The following CNTLN variants were observed in gnomAD, a reference collection of about 807,000 sequenced individuals.
CNTLN encodes the protein centlein.
A neutral mutation model predicts 180.0 loss-of-function variants in CNTLN; 212 were observed. The ratio of observed to expected loss-of-function variants is 1.18; its 90% CI spans 1.05 to 1.32. The LOEUF (loss-of-function observed/expected upper bound fraction) is 1.32, where lower values mean the gene tolerates loss of function less well. Among genes scored for constraint, CNTLN ranks in the 40% most tolerant of loss-of-function variants. The pLI is 0.00. For missense variants in CNTLN, 2,095 were observed against 1,610.9 expected, an observed-to-expected ratio of 1.30 and a Z score of -5.14; for synonymous variants, 722 against 563.1, an observed-to-expected ratio of 1.28 and a Z score of -3.99.
chr9:17,336,323 T>C (rs1821034003), intron 10 of CNTLN, among the ~76,000 whole-genome samples: 1 of 152,196 alleles, frequency 6.6e-6, no homozygotes, highest in Admixed American at 6.6e-5. Flanking sequence ...GATGGATGAC[T>C]TCAGCTGGCA....
At chr9:17,521,265 A>AAGAGAGAGAGAGAGAGAGAGAGAG in the CNTLN span, among the ~76,000 whole-genome samples, 102 of 118,598 alleles carry the variant, frequency 8.6e-4, 7 homozygotes, top group African/African-American at 1.9e-3. Flanking sequence ...AAGGGAGAAA[A>AAGAGAGAGAGAGAGAGAGAGAGAG]AGAGAGAGAG....
intron 12 of CNTLN, among the ~76,000 whole-genome samples, chr9:17,352,794 A>C (rs1024973140): frequency 2.6e-5 from 4 of 152,302 alleles, no homozygotes; most frequent in Non-Finnish European, 4.4e-5. Context: ...TATTTCATAT[A>C]AATAGAATCA....
At chr9:17,167,554 T>A (rs772663988) in intron 2 of CNTLN, 3 of 152,142 alleles carry the variant, frequency 2.0e-5, no homozygotes, top group Admixed American at 6.5e-5. Context: ...ATACCAAAGG[T>A]ATTTGTAGGG....
At chr9:17,150,435 A>G (rs1818781432) in intron 2 of CNTLN, among the ~76,000 whole-genome samples, 2 of 152,184 alleles carry the variant, frequency 1.3e-5, no homozygotes, top group African/African-American at 2.4e-5. Context: ...TGTGTGTGTC[A>G]GGTTTGTCAA....
At chr9:17,169,844 T>C (rs1820314443) in intron 2 of CNTLN, among the ~76,000 whole-genome samples, 1 of 152,176 alleles carries the variant, frequency 6.6e-6, no homozygotes, top group African/African-American at 2.4e-5. Context: ...ATGCTTCAGC[T>C]TTGTTCTTAT....
Position 17,177,168 on chromosome 9 carries a change from G to C in CNTLN, c.449+33792G>C, listed in dbSNP as rs532402546. 2.0e-5 allele frequency among the ~76,000 whole-genome samples: 3 copies of C among 152,228 alleles called. No homozygotes were observed. In the South Asian group the frequency reaches 6.2e-4, roughly 32 times the overall value. On this transcript the variant is annotated intron_variant, in intron 2 of 25. Transcript: ENST00000380647. ...CTCACGCCTGTAATCCCAGCACTTT[G>C]GGAGGCTGAGGCAGGCAGATCACGA...
intron 2 of CNTLN, among the ~76,000 whole-genome samples, chr9:17,173,671 A>C (rs967784762): frequency 6.6e-6 from 1 of 152,200 alleles, no homozygotes; most frequent in African/African-American, 2.4e-5. Flanking sequence ...AAAACAAAGA[A>C]ACATTGTTGG....
intron 2 of CNTLN, among the ~76,000 whole-genome samples, chr9:17,191,802 T>C (rs1821804783): frequency 6.6e-6 from 1 of 152,108 alleles, no homozygotes. Flanking sequence ...TGAAGGAAGA[T>C]GAGGTGGGAT....
chr9:17,382,277 C>T (rs1825316209), intron 13 of CNTLN, among the ~76,000 whole-genome samples: 1 of 152,082 alleles, frequency 6.6e-6, no homozygotes, highest in Non-Finnish European at 1.5e-5. Flanking sequence ...GGGCAGCATA[C>T]AATTTAAGTT....
chr9:17,351,121 C>G (rs1415881402), intron 12 of CNTLN, among the ~76,000 whole-genome samples: 2 of 152,174 alleles, frequency 1.3e-5, no homozygotes. Context: ...TTCTTCAACA[C>G]TCTGGCACCA....
intron 5 of CNTLN, among the ~76,000 whole-genome samples, chr9:17,244,360 T>C (rs753466394): frequency 1.3e-5 from 2 of 151,982 alleles, no homozygotes; most frequent in Non-Finnish European, 2.9e-5. Context: ...TACAGGCATA[T>C]ACCACTATAT....
chr9:17,325,293 C>A, intron 8 of CNTLN, among the ~76,000 whole-genome samples: 1 of 150,744 alleles, frequency 6.6e-6, no homozygotes, highest in South Asian at 2.1e-4. Context: ...CATATTGCTG[C>A]ATTTCTGAAA....
intron 8 of CNTLN, among the ~76,000 whole-genome samples, chr9:17,321,425 T>G (rs897742483): frequency 1.3e-5 from 2 of 152,210 alleles, no homozygotes; most frequent in African/African-American, 4.8e-5. Context: ...CTTATCCTTT[T>G]CTCCCCACTG....
At chr9:17,293,868 T>C (rs1015337815) in intron 6 of CNTLN, among the ~76,000 whole-genome samples, 1 of 151,904 alleles carries the variant, frequency 6.6e-6, no homozygotes, top group Non-Finnish European at 1.5e-5. Flanking sequence ...TGGCATGGGC[T>C]CATTGGGGGA....
chr9:17,348,688 G>A (rs1160259384), intron 12 of CNTLN, among the ~76,000 whole-genome samples: 2 of 151,834 alleles, frequency 1.3e-5, no homozygotes, highest in Non-Finnish European at 2.9e-5. Flanking sequence ...GCGTCACCAC[G>A]CGGGGCAAAT....
At chr9:17,332,455 C>T (rs562778701) in intron 9 of CNTLN, 150 bp from the exon 10 acceptor site, 21 of 641,636 alleles carry the variant, frequency 3.3e-5, no homozygotes, top group Middle Eastern at 4.4e-4. Flanking sequence ...GTGGTAATTC[C>T]GCTTGTTATT....
intron 21 of CNTLN, 68 bp downstream of exon 21, chr9:17,464,691 A>C (rs1199452898): frequency 8.1e-6 from 8 of 986,978 alleles, no homozygotes; most frequent in Non-Finnish European, 1.5e-6. Flanking sequence ...CTTACCACAA[A>C]CATTTAATCC....
At position 17,218,215 on chromosome 9, in the gene CNTLN, A is replaced by G. The variant is rs1052354634; in HGVS notation, c.450-7988A>G. On this transcript the variant is annotated intron_variant, in intron 2 of 25. Coordinates refer to ENST00000380647, the MANE Select transcript of CNTLN (RefSeq NM_017738.4). Reference sequence around the variant, plus strand: ...TTCTAAATTCTGGATTATACAATAAAAACTCAGTTTTGTATAAAAGCAAAG... The same window carrying G: ...TTCTAAATTCTGGATTATACAATAAGAACTCAGTTTTGTATAAAAGCAAAG... Among the ~76,000 whole-genome samples, 4 of 152,190 alleles carry G rather than the reference A, an allele frequency of 2.6e-5. No homozygotes were observed. The East Asian group carries it at 7.7e-4, about 29-fold the overall frequency.
intron 1 of CNTLN, among the ~76,000 whole-genome samples, chr9:17,137,616 G>T (rs999521215): frequency 1.3e-5 from 2 of 152,122 alleles, no homozygotes; most frequent in African/African-American, 2.4e-5. Context: ...ATGCTGTCCA[G>T]ATCTAAATTA....
Sources: allele counts gnomAD v4.1 joint callset (sites outside exome capture counted in the v4.1 genomes callset), GRCh38; gene constraint gnomAD v4.1.1; transcripts MANE v1.5; gene names NCBI Gene and HGNC (gene_info 2026-07-23, HGNC 2026-07-21).